The following PKIA variants were observed in gnomAD, a reference collection of about 807,000 sequenced individuals.
PKIA encodes the protein PKI-alpha.
Under a neutral mutation model 7.6 loss-of-function variants are expected in PKIA, and 4 were observed. The ratio of observed to expected loss-of-function variants is 0.52; its 90% CI spans 0.26 to 1.20. The LOEUF is 1.20. Ranked by LOEUF, PKIA falls within the 50% of genes most tolerant of loss-of-function variation. The pLI is 0.13. For synonymous variants in PKIA, 21 were observed against 30.7 expected, an observed-to-expected ratio of 0.68 and a Z score of 1.04; for missense variants, 73 against 86.2, an observed-to-expected ratio of 0.85 and a Z score of 0.61.
chr8:78,567,132 T>C (rs1227856921), intron 1 of PKIA, among the ~76,000 whole-genome samples: 2 of 152,194 alleles, frequency 1.3e-5, no homozygotes, highest in Admixed American at 6.6e-5. Flanking sequence ...AAGTATATTA[T>C]AGAGATTTCT....
At chr8:78,543,671 G>A (rs1039452843) in intron 1 of PKIA, among the ~76,000 whole-genome samples, 3 of 152,128 alleles carry the variant, frequency 2.0e-5, no homozygotes, top group East Asian at 1.9e-4. Context: ...TAATCAAAAC[G>A]AGAATTCCTA....
intron 2 of PKIA, among the ~76,000 whole-genome samples, chr8:78,589,515 T>A (rs1203556791): frequency 6.6e-6 from 1 of 152,118 alleles, no homozygotes; most frequent in Non-Finnish European, 1.5e-5. Flanking sequence ...CTAAAGAAAG[T>A]TCGAGAGGAG....
At chr8:78,551,270 G>C (rs1806976402) in intron 1 of PKIA, among the ~76,000 whole-genome samples, 1 of 152,004 alleles carries the variant, frequency 6.6e-6, no homozygotes, top group South Asian at 2.1e-4. Context: ...GTAAATCCTA[G>C]ACAACTAAAA....
chr8:78,539,622 G>T (rs975164786), intron 1 of PKIA, among the ~76,000 whole-genome samples: 1 of 151,524 alleles, frequency 6.6e-6, no homozygotes, highest in Non-Finnish European at 1.5e-5. Flanking sequence ...CCCATTCTTA[G>T]CTAAGAATGC....
At chr8:78,566,860 C>T (rs186675186) in intron 1 of PKIA, among the ~76,000 whole-genome samples, 2 of 152,094 alleles carry the variant, frequency 1.3e-5, no homozygotes, top group South Asian at 2.1e-4. Context: ...ACCGAAAAGA[C>T]ATTTAGCATT....
At chr8:78,530,346 T>C (rs187776211) in intron 1 of PKIA, among the ~76,000 whole-genome samples, 2 of 152,074 alleles carry the variant, frequency 1.3e-5, no homozygotes, top group African/African-American at 2.4e-5. Flanking sequence ...CTCTATCCTA[T>C]AGGAACTGGT....
chr8:78,563,016 A>G (rs979802127), intron 1 of PKIA, among the ~76,000 whole-genome samples: 1 of 152,188 alleles, frequency 6.6e-6, no homozygotes, highest in Non-Finnish European at 1.5e-5. Context: ...TCAATCATAC[A>G]TCGTTACTAA....
intron 1 of PKIA, among the ~76,000 whole-genome samples, chr8:78,538,595 C>T (rs1030290988): frequency 2.6e-5 from 4 of 151,942 alleles, no homozygotes; most frequent in Admixed American, 1.3e-4. Flanking sequence ...GTCAGGTATA[C>T]GGTAGTAGAT....
chr8:78,536,590 GA>G (rs1193838863), intron 1 of PKIA, among the ~76,000 whole-genome samples: 1 of 152,016 alleles, frequency 6.6e-6, no homozygotes, highest in Non-Finnish European at 1.5e-5. Flanking sequence ...ATTTCATTCT[GA>G]AATGGAAAAA....
intron 1 of PKIA, among the ~76,000 whole-genome samples, chr8:78,553,248 T>C (rs1807033087): frequency 6.6e-6 from 1 of 151,946 alleles, no homozygotes; most frequent in South Asian, 2.1e-4. Flanking sequence ...TGTCTTGATA[T>C]AATGCATAAA....
At chr8:78,535,130 A>G (rs188936997) in intron 1 of PKIA, 2 of 152,252 alleles carry the variant, frequency 1.3e-5, no homozygotes, top group East Asian at 3.9e-4. Flanking sequence ...GTTCATGTAG[A>G]ATTGCTGTAG....
intron 1 of PKIA, among the ~76,000 whole-genome samples, chr8:78,566,853 G>A (rs932084003): frequency 3.9e-5 from 6 of 152,066 alleles, no homozygotes; most frequent in African/African-American, 7.2e-5. Context: ...ATTAAACACC[G>A]AAAAGACATT....
intron 2 of PKIA, among the ~76,000 whole-genome samples, chr8:78,591,002 A>G (rs1748106056): frequency 6.6e-6 from 1 of 152,232 alleles, no homozygotes; most frequent in South Asian, 2.1e-4. Flanking sequence ...AATAGTGGAA[A>G]AAGGGGAATT....
At chr8:78,569,875 G>C (rs1239393720) in intron 1 of PKIA, among the ~76,000 whole-genome samples, 1 of 152,100 alleles carries the variant, frequency 6.6e-6, no homozygotes, top group Non-Finnish European at 1.5e-5. Context: ...CCTTTGTTGG[G>C]CAGGCTCAAG....
chr8:78,521,424 A>T (rs531372601), intron 1 of PKIA, among the ~76,000 whole-genome samples: 2 of 152,162 alleles, frequency 1.3e-5, no homozygotes, highest in East Asian at 3.9e-4. Context: ...TTCTCAGCTG[A>T]TACTTAAAGG....
Position 78,598,465 on chromosome 8 carries a change from G to T in PKIA, c.81G>T (p.Leu27=), listed in dbSNP as rs1808279461. The change falls in exon 3 of 4, where the codon CTG becomes CTT. Residue 27 remains leucine (L), a synonymous_variant. Transcript: ENST00000396418. ...GAAGAAATGCAATACATGATATCCT[G>T]GTTTCCTCTGCAAGTGGCAACAGCA... is the stretch of plus-strand genomic sequence containing the variant. ...TGRRNAIHDI[L]VSSASGNSNE... The T allele has an allele frequency of 2.5e-6, 4 of 1,611,262 alleles. No homozygotes were observed. The highest frequency in any genetic ancestry group is 3.4e-6 in the Non-Finnish European group (4 of 1,178,036).
intron 1 of PKIA, among the ~76,000 whole-genome samples, chr8:78,570,568 T>G (rs527579090): frequency 6.6e-6 from 1 of 152,308 alleles, no homozygotes; most frequent in Non-Finnish European, 1.5e-5. Context: ...TATCTGATCA[T>G]GTTATGCAAA....
chr8:78,599,952 AAAT>A (rs1808315131), intron 3 of PKIA, among the ~76,000 whole-genome samples: 1 of 150,052 alleles, frequency 6.7e-6, no homozygotes, highest in Non-Finnish European at 1.5e-5. Context: ...TAAATTATTG[AAAT>A]AATAAATTAA....
At chr8:78,571,146 C>CT (rs76005007) in intron 1 of PKIA, among the ~76,000 whole-genome samples, 184 of 139,912 alleles carry the variant, frequency 1.3e-3, no homozygotes, top group East Asian at 5.0e-3. Flanking sequence ...TTAATTTTTC[C>CT]TTTTTTTTTT....
Sources: gnomAD v4.1 joint callset for allele counts (sites outside exome capture counted in the v4.1 genomes callset) on GRCh38, gnomAD v4.1.1 for gene constraint, MANE v1.5 for transcripts, NCBI Gene and HGNC (gene_info 2026-07-23, HGNC 2026-07-21) for gene names.